The following CA5A variants were observed in gnomAD, a reference collection of about 807,000 sequenced individuals.
CA5A encodes carbonic anhydrase 5A.
Under a neutral mutation model 37.1 loss-of-function variants are expected in CA5A, and 28 were observed. The observed-to-expected ratio is 0.75, with a 90% CI of 0.56 to 1.03. The LOEUF is 1.03. Among genes scored for constraint, CA5A ranks in the 50% least tolerant of loss-of-function variants. The pLI is 0.00. For synonymous variants in CA5A, 171 were observed against 158.4 expected (o/e 1.08, Z -0.60); for missense variants, 444 against 399.9 (o/e 1.11, Z -0.94).
chr16:87,893,563 G>C, intron 5 of CA5A: 1 of 637,838 alleles, frequency 1.6e-6, no homozygotes, highest in Admixed American at 1.9e-5. Flanking sequence ...TCGGCCTAAA[G>C]GTCTGGAGGG....
chr16:87,892,081 G>C, intron 5 of CA5A, 127 bp from the exon 6 acceptor site: 2 of 786,614 alleles, frequency 2.5e-6, no homozygotes, highest in Non-Finnish European at 3.8e-6. Flanking sequence ...AGGCCATGAG[G>C]CCACTGCTGT....
At chr16:87,891,778 C>A (rs545858471) in intron 6 of CA5A, 21 bp downstream of exon 6, 12 of 1,476,644 alleles carry the variant, frequency 8.1e-6, no homozygotes, top group African/African-American at 1.5e-5. Flanking sequence ...CGCCATCGTG[C>A]CAGTTACGGG....
chr16:87,914,000 G>A (rs141727967), intron 2 of CA5A, among the ~76,000 whole-genome samples: 3 of 152,356 alleles, frequency 2.0e-5, no homozygotes, highest in African/African-American at 7.2e-5. Context: ...GCTTGACGTC[G>A]CTTATTTCCC....
chr16:87,924,418 G>C, intron 2 of CA5A: 1 of 662,428 alleles, frequency 1.5e-6, no homozygotes, highest in Non-Finnish European at 1.9e-6. Context: ...CAGAGAAGAA[G>C]CTCTCACGCC....
chr16:87,925,606 G>A (rs1042004195), intron 2 of CA5A: 4 of 152,244 alleles, frequency 2.6e-5, no homozygotes, highest in Non-Finnish European at 4.4e-5. Flanking sequence ...AAAACACCAG[G>A]TAGGACCTGG....
At chr16:87,932,116 GA>G (rs947504370) in intron 1 of CA5A, among the ~76,000 whole-genome samples, 23 of 148,004 alleles carry the variant, frequency 1.6e-4, no homozygotes, top group Admixed American at 6.7e-4. Flanking sequence ...CTCCGTCTAA[GA>G]AAAAAAAAAG....
chr16:87,898,880 G>C (rs1281933609), intron 5 of CA5A, among the ~76,000 whole-genome samples: 5 of 151,218 alleles, frequency 3.3e-5, no homozygotes, highest in Non-Finnish European at 7.4e-5. Flanking sequence ...GATTACAGGA[G>C]TGTGCCACGA....
intron 1 of CA5A, among the ~76,000 whole-genome samples, chr16:87,934,440 T>C (rs1279685076): frequency 6.6e-6 from 1 of 152,168 alleles, no homozygotes; most frequent in Non-Finnish European, 1.5e-5. Context: ...TGGTGGCGCA[T>C]GCCTGTAATT....
intron 6 of CA5A, among the ~76,000 whole-genome samples, chr16:87,888,856 G>A (rs367984908): frequency 8.6e-5 from 13 of 151,966 alleles, no homozygotes; most frequent in African/African-American, 1.9e-4. Context: ...AGGTTCAAGC[G>A]ATTCTCCTGC....
chr16:87,932,194 C>G (rs577137638), intron 1 of CA5A, among the ~76,000 whole-genome samples: 3 of 152,164 alleles, frequency 2.0e-5, no homozygotes, highest in Non-Finnish European at 1.5e-5. Context: ...ACTCTACCCC[C>G]CCTCCCACGG....
intron 2 of CA5A, among the ~76,000 whole-genome samples, chr16:87,919,645 G>A (rs980773627): frequency 6.6e-5 from 10 of 152,154 alleles, no homozygotes; most frequent in African/African-American, 1.9e-4. Flanking sequence ...CTTTAGGATC[G>A]GAGCCGGCAA....
chr16:87,910,262 G>C lies in CA5A; in HGVS notation c.341-5358C>G, dbSNP rs1597565135. 2.6e-5 allele frequency among the ~76,000 whole-genome samples: 4 copies of C among 152,338 alleles called. No individual in the cohort carries two copies. In the South Asian group the frequency reaches 8.3e-4, roughly 32 times the overall value. ...GATGGAGAAGGCTTGGTGTGTACCA[G>C]AGTGCAGCGGAGGAGCTGGCGTTCG... On this transcript the variant is annotated intron_variant, in intron 2 of 6. Transcript: ENST00000649794.
intron 2 of CA5A, among the ~76,000 whole-genome samples, 186 bp from the exon 3 acceptor site, chr16:87,905,090 C>T (rs983678050): frequency 1.3e-5 from 2 of 152,004 alleles, no homozygotes; most frequent in Admixed American, 1.3e-4. Context: ...TCACTCTGCC[C>T]CCCCCCAGCC....
intron 1 of CA5A, among the ~76,000 whole-genome samples, chr16:87,932,773 C>T (rs929222052): frequency 5.3e-5 from 8 of 152,158 alleles, no homozygotes; most frequent in South Asian, 2.1e-4. Context: ...CCCATCTCCC[C>T]GATGCATTCT....
intron 1 of CA5A, among the ~76,000 whole-genome samples, chr16:87,931,878 G>C (rs1198948163): frequency 1.3e-5 from 2 of 151,558 alleles, no homozygotes; most frequent in Non-Finnish European, 2.9e-5. Context: ...TGTGTCCTTT[G>C]TCCCAGCATC....
intron 2 of CA5A, chr16:87,924,077 C>A: frequency 1.0e-6 from 1 of 985,406 alleles, no homozygotes; most frequent in South Asian, 4.7e-5. Flanking sequence ...TAAATGAATG[C>A]AAAAATCCCT....
chr16:87,920,800 CT>C (rs556751990), intron 2 of CA5A, among the ~76,000 whole-genome samples: 21 of 148,202 alleles, frequency 1.4e-4, no homozygotes, highest in Admixed American at 1.3e-4. Flanking sequence ...TGTATTTTTA[CT>C]TTTTTTTTTG....
intron 2 of CA5A, chr16:87,924,242 G>A (rs1367569795): frequency 5.5e-5 from 54 of 985,324 alleles, no homozygotes; most frequent in Non-Finnish European, 6.5e-5. Context: ...CACTCAGCAA[G>A]CCCCACACGG....
At chr16:87,918,139 C>T (rs767394234) in intron 2 of CA5A, among the ~76,000 whole-genome samples, 10 of 152,224 alleles carry the variant, frequency 6.6e-5, no homozygotes, top group African/African-American at 2.2e-4. Flanking sequence ...CCCCCAATTC[C>T]GGGCTCTCAG....
Sources: allele counts gnomAD v4.1 joint callset (sites outside exome capture counted in the v4.1 genomes callset), GRCh38; gene constraint gnomAD v4.1.1; transcripts MANE v1.5; gene names NCBI Gene and HGNC (gene_info 2026-07-23, HGNC 2026-07-21).